Variants in WDR27 observed in about 807,000 individuals in gnomAD.
WDR27 encodes the protein WD repeat-containing protein 27.
WDR27 carries 100 observed loss-of-function variants against 114.4 expected under a neutral mutation model. The ratio of observed to expected loss-of-function variants is 0.87; its 90% CI spans 0.74 to 1.03. The LOEUF is 1.03. WDR27 is among the 50% of genes least tolerant of loss of function. The pLI, the probability that WDR27 is intolerant of heterozygous loss-of-function variation, is 0.00. For missense variants in WDR27, 1,129 were observed against 1,092.9 expected, an observed-to-expected ratio of 1.03 and a Z score of -0.47; for synonymous variants, 449 against 423.1, an observed-to-expected ratio of 1.06 and a Z score of -0.75.
chr6:169,587,213 T>TC (rs1491271852), intron 23 of WDR27, among the ~76,000 whole-genome samples: 6 of 134,140 alleles, frequency 4.5e-5, no homozygotes, highest in South Asian at 2.6e-4. Flanking sequence ...TCAAGGATTT[T>TC]CTTTTTTTTT....
intron 25 of WDR27, among the ~76,000 whole-genome samples, chr6:169,502,994 T>C (rs1160095729): frequency 6.6e-6 from 1 of 152,172 alleles, no homozygotes; most frequent in Non-Finnish European, 1.5e-5. Flanking sequence ...AATGTCTACC[T>C]AGTCAAAATA....
intron 25 of WDR27, among the ~76,000 whole-genome samples, chr6:169,471,479 C>A (rs1786385958): frequency 6.6e-6 from 1 of 151,936 alleles, no homozygotes; most frequent in Admixed American, 6.6e-5. Flanking sequence ...GATTTAAAAA[C>A]CATCAAGAAA....
chr6:169,653,571 T>C (rs1168374251), intron 13 of WDR27, among the ~76,000 whole-genome samples: 1 of 152,202 alleles, frequency 6.6e-6, no homozygotes, highest in African/African-American at 2.4e-5. Context: ...CATTACTACA[T>C]AGGACTTTTT....
At chr6:169,444,166 T>G in the WDR27 span, among the ~76,000 whole-genome samples, 4 of 152,166 alleles carry the variant, frequency 2.6e-5, no homozygotes, top group South Asian at 8.3e-4. Flanking sequence ...AGATCCCTAT[T>G]TGCCCATATC....
chr6:169,681,844 G>T (rs1379983535), intron 2 of WDR27, among the ~76,000 whole-genome samples: 1 of 152,062 alleles, frequency 6.6e-6, no homozygotes, highest in African/African-American at 2.4e-5. Context: ...CTCAGCTCTG[G>T]GCTCTTCTGC....
At chr6:169,585,852 AG>A (rs1804447099) in intron 23 of WDR27, among the ~76,000 whole-genome samples, 1 of 152,092 alleles carries the variant, frequency 6.6e-6, no homozygotes, top group African/African-American at 2.4e-5. Context: ...GAGGCAGCAG[AG>A]GCAGGCTCAC....
chr6:169,535,522 C>T (rs1300475260), intron 25 of WDR27, among the ~76,000 whole-genome samples: 1 of 152,072 alleles, frequency 6.6e-6, no homozygotes, highest in African/African-American at 2.4e-5. Flanking sequence ...CTTTTATAAT[C>T]TAACATAAAT....
At chr6:169,438,204 G>A in the WDR27 span, among the ~76,000 whole-genome samples, 2 of 151,426 alleles carry the variant, frequency 1.3e-5, no homozygotes, top group African/African-American at 4.9e-5. Context: ...TACGCAACCA[G>A]GCAATTTCAC....
chr6:169,585,834 T>TGGAAGGGGAGGC (rs1299951587), intron 23 of WDR27, among the ~76,000 whole-genome samples: 1 of 151,432 alleles, frequency 6.6e-6, no homozygotes, highest in Non-Finnish European at 1.5e-5. Context: ...GTGGAGGAGG[T>TGGAAGGGGAGGC]GGAAGGGGAG....
chr6:169,698,558 T>G (rs77757539), intron 1 of WDR27, among the ~76,000 whole-genome samples: 1 of 152,230 alleles, frequency 6.6e-6, no homozygotes, highest in East Asian at 1.9e-4. Context: ...TGTTAAAATA[T>G]TCATTTTTCT....
At position 169,602,319 on chromosome 6, in the gene WDR27, C is replaced by T; in HGVS notation, c.2324G>A (p.Cys775Tyr). The change falls in exon 23 of 26, where the codon TGT (cysteine) becomes TAT (tyrosine). Residue 775 changes from cysteine to tyrosine, a missense_variant and splice_region_variant. By Grantham distance (194) the Cys-to-Tyr change is radical. Coordinates refer to ENST00000448612, the MANE Select transcript of WDR27 (RefSeq NM_182552.5). ...TGGATGCCCTTCAAAGTGGCGCTCA[C>T]ACCTACAGGGAGGAAAGAAACACCA... ...MRLWDLRTLR[C>Y]ERHFEGHPTR... The T allele has an allele frequency of 6.6e-7, 1 of 1,526,640 alleles. No homozygotes were observed. The highest frequency in any genetic ancestry group is 8.9e-7 in the Non-Finnish European group (1 of 1,125,346). The allele number at this position is 1,526,640 out of a possible 1,614,324, so 94.6% of individuals were successfully genotyped here. A position where few individuals can be genotyped will look rare whatever the true frequency, so the allele number is the denominator to read the frequency against.
At chr6:169,586,218 A>G (rs1804523849) in intron 23 of WDR27, among the ~76,000 whole-genome samples, 1 of 152,122 alleles carries the variant, frequency 6.6e-6, no homozygotes, top group Admixed American at 6.6e-5. Context: ...GATCTCTTTC[A>G]TGATTTCCTT....
intron 23 of WDR27, among the ~76,000 whole-genome samples, chr6:169,591,499 A>C (rs2128154971): frequency 6.6e-6 from 1 of 152,336 alleles, no homozygotes; most frequent in Non-Finnish European, 1.5e-5. Flanking sequence ...AAGGCAGACA[A>C]ATGTTTAATT....
chr6:169,624,948 G>GT (rs1306907526), intron 21 of WDR27, among the ~76,000 whole-genome samples: 4 of 152,244 alleles, frequency 2.6e-5, no homozygotes, highest in African/African-American at 9.6e-5. Flanking sequence ...GCAGTCAACT[G>GT]TGGCAGCCCT....
At chr6:169,606,501 C>T (rs2128176355) in intron 22 of WDR27, among the ~76,000 whole-genome samples, 1 of 152,236 alleles carries the variant, frequency 6.6e-6, no homozygotes, top group East Asian at 1.9e-4. Flanking sequence ...GTGTGTTGTT[C>T]CATTCCTTGT....
chr6:169,576,419 A>G (rs9478059), intron 24 of WDR27, among the ~76,000 whole-genome samples: 71,922 of 152,158 alleles, frequency 0.47, 20,316 homozygotes, highest in Non-Finnish European at 0.65. Context: ...TATTCGGGAA[A>G]TTCTGTCATA....
chr6:169,558,579 C>G (rs1166571785), intron 25 of WDR27: 1 of 152,070 alleles, frequency 6.6e-6, no homozygotes, highest in Non-Finnish European at 1.5e-5. Context: ...CCAGTGCACA[C>G]CTCCAGGCAA....
chr6:169,658,413 A>C, intron 12 of WDR27, 55 bp from the exon 13 acceptor site: 1 of 1,337,728 alleles, frequency 7.5e-7, no homozygotes, highest in Non-Finnish European at 1.1e-6. Context: ...ATACGATGGA[A>C]ATGCCTCAGT....
At chr6:169,559,016 C>T (rs1423091942) in intron 25 of WDR27, 2 of 152,214 alleles carry the variant, frequency 1.3e-5, no homozygotes, top group Non-Finnish European at 2.9e-5. Flanking sequence ...AGGCTTGGAT[C>T]GTTTACAGTA....
Sources: allele counts gnomAD v4.1 joint callset (sites outside exome capture counted in the v4.1 genomes callset), GRCh38; gene constraint gnomAD v4.1.1; transcripts MANE v1.5; gene names NCBI Gene and HGNC (gene_info 2026-07-23, HGNC 2026-07-21).